The following GPR174 variants were observed in gnomAD, a reference collection of about 807,000 sequenced individuals.
The protein encoded by GPR174 is G protein-coupled receptor 174, also known as probable G protein-coupled receptor 174.
A neutral mutation model predicts 16.5 loss-of-function variants in GPR174; 8 were observed. The ratio of observed to expected loss-of-function variants is 0.48; its 90% CI spans 0.28 to 0.87. The LOEUF (loss-of-function observed/expected upper bound fraction) is 0.87. Ranked by LOEUF, GPR174 falls within the 40% of genes least tolerant of loss-of-function variation. The pLI is 0.09. For missense variants in GPR174, 214 were observed against 247.5 expected, an observed-to-expected ratio of 0.86 and a Z score of 0.91; for synonymous variants, 111 against 94.8, an observed-to-expected ratio of 1.17 and a Z score of -0.99.
At chrX:79,163,804 T>C (rs770606278) in intron 2 of GPR174, among the ~76,000 whole-genome samples, 106 of 111,764 alleles carry the variant, frequency 9.5e-4, no homozygotes, top group Non-Finnish European at 1.7e-3. Context: ...CTCTAGGGCC[T>C]CACATGATCT....
chrX:79,166,425 CTTTTTTCT>C (rs1569281347), intron 2 of GPR174, among the ~76,000 whole-genome samples: 3 of 42,533 alleles, frequency 7.1e-5, no homozygotes, highest in African/African-American at 1.6e-4. Context: ...TTTTTCTTTT[CTTTTTTCT>C]TTTTTTTTTT....
intron 2 of GPR174, among the ~76,000 whole-genome samples, chrX:79,158,287 C>T (rs778419546): frequency 2.3e-4 from 25 of 106,810 alleles, no homozygotes; most frequent in African/African-American, 2.7e-4. Flanking sequence ...TTTCCCCTGA[C>T]GTAATCAGGA....
chrX:79,163,844 C>G (rs1921292086), intron 2 of GPR174, among the ~76,000 whole-genome samples: 1 of 111,553 alleles, frequency 9.0e-6, no homozygotes, highest in African/African-American at 3.3e-5. Context: ...ACTCCGCTGT[C>G]CTTTAGGGCA....
intron 2 of GPR174, among the ~76,000 whole-genome samples, chrX:79,165,177 C>G (rs1045405831): frequency 9.1e-6 from 1 of 110,083 alleles, no homozygotes; most frequent in Non-Finnish European, 1.9e-5. Flanking sequence ...TAGAGGCTTC[C>G]GTATTTTTGT....
chrX:79,168,638 C>T (rs1339891491), intron 2 of GPR174, among the ~76,000 whole-genome samples: 1 of 109,990 alleles, frequency 9.1e-6, no homozygotes, highest in East Asian at 2.9e-4. Context: ...GAGTTCCAGG[C>T]TGCAGTGAGT....
In GPR174 at chrX:79,171,574, C is replaced by T. The variant is rs141253543; in HGVS notation, c.567C>T (p.Gly189=). 1.8e-5 allele frequency: 22 copies of T among 1,208,731 alleles called. No individual in the cohort carries two copies. The highest frequency in any genetic ancestry group is 8.8e-5 in the African/African-American group (5 of 56,825). The change falls in exon 3 of 3, where the codon GGC becomes GGT. Residue 189 remains glycine, a synonymous_variant. Transcript: ENST00000645147. ...AGTCCGTTGTTATGATGACCATTGG[C>T]GAGTTGATTGGGTTTGTAACTCCGC... ...LAQSVVMMTI[G]ELIGFVTPLL... is the part of the protein sequence containing the mutation.
At chrX:79,165,867 A>T (rs1921348323) in intron 2 of GPR174, among the ~76,000 whole-genome samples, 1 of 111,284 alleles carries the variant, frequency 9.0e-6, no homozygotes, top group African/African-American at 3.3e-5. Flanking sequence ...ATTATCTTGG[A>T]CCTTAGTTTA....
intron 1 of GPR174, among the ~76,000 whole-genome samples, chrX:79,148,070 G>T (rs1489675018): frequency 1.8e-5 from 2 of 111,609 alleles, no homozygotes; most frequent in African/African-American, 6.5e-5. Context: ...TCTGCAACTT[G>T]GTTATGGGTC....
rs73231593 is a variant in GPR174 at position 79,163,553 on chromosome X, A to G, written c.-557+6635A>G. Reference sequence around the variant, plus strand: ...TCAAACTGTAGACTACAAGAAAAGAAGGGATAATATATTTCTGTTTTTAAG... The same window carrying G: ...TCAAACTGTAGACTACAAGAAAAGAGGGGATAATATATTTCTGTTTTTAAG... On this transcript the variant is annotated intron_variant, in intron 2 of 2. Coordinates refer to ENST00000645147, the MANE Select transcript of GPR174 (RefSeq NM_032553.3). Among the ~76,000 whole-genome samples, 937 of 111,958 alleles carry G rather than the reference A, an allele frequency of 8.4e-3. 5 individuals are homozygous for G. Among genetic ancestry groups the G allele is most frequent in the South Asian group, 0.016 (42 of 2,689 alleles).
rs774581766 is a variant in GPR174, at chrX:79,151,858, C to A, written c.-653-4964C>A. 2.1e-4 allele frequency among the ~76,000 whole-genome samples: 23 copies of A among 111,989 alleles called. No homozygotes were observed. The South Asian group carries it at 8.1e-3, about 40-fold the overall frequency. On this transcript the variant is annotated intron_variant, in intron 1 of 2. Coordinates refer to ENST00000645147, the MANE Select transcript of GPR174 (RefSeq NM_032553.3). ...GAGGATAAGCTAGCGCATATTAATT[C>A]TGATTATACAAAAGAGATTTAGGAA... is the stretch of plus-strand genomic sequence containing the variant.
chrX:79,149,412 C>T (rs1926560464), intron 1 of GPR174, among the ~76,000 whole-genome samples: 1 of 111,631 alleles, frequency 9.0e-6, no homozygotes, highest in South Asian at 3.7e-4. Context: ...TGTAATACTT[C>T]ATAAAACTAA....
chrX:79,160,866 G>A (rs1471645150), intron 2 of GPR174, among the ~76,000 whole-genome samples: 1 of 111,586 alleles, frequency 9.0e-6, no homozygotes, highest in Non-Finnish European at 1.9e-5. Context: ...TGGTATCAGT[G>A]ATGTTCCTAA....
intron 1 of GPR174, among the ~76,000 whole-genome samples, chrX:79,151,001 C>A (rs1338879445): frequency 9.0e-6 from 1 of 110,922 alleles, no homozygotes; most frequent in Non-Finnish European, 1.9e-5. Context: ...TCAGACCATC[C>A]TTGATATGGA....
chrX:79,159,300 C>A (rs774454045), intron 2 of GPR174, among the ~76,000 whole-genome samples: 10 of 111,010 alleles, frequency 9.0e-5, no homozygotes, highest in Admixed American at 1.9e-4. Context: ...AAACAAAAAA[C>A]AAAACAAACC....
chrX:79,167,546 C>G (rs768602348), intron 2 of GPR174, among the ~76,000 whole-genome samples: 5 of 110,043 alleles, frequency 4.5e-5, no homozygotes, highest in Non-Finnish European at 9.5e-5. Context: ...TTGAATAGCC[C>G]GTGAGGTCCT....
intron 1 of GPR174, among the ~76,000 whole-genome samples, chrX:79,148,247 A>G (rs1926539317): frequency 9.0e-6 from 1 of 111,484 alleles, no homozygotes; most frequent in African/African-American, 3.3e-5. Context: ...ATCTCACTGG[A>G]AACCTAAAAT....
rs1412011933 is a variant in GPR174, at chrX:79,173,726, CTT to C, written c.*1719_*1720del. On this transcript the variant is annotated 3_prime_UTR_variant, in exon 3 of 3. Coordinates refer to ENST00000645147, the MANE Select transcript of GPR174 (RefSeq NM_032553.3). ...AGATAATACCCTATTAGAAAACTGA[CTT>C]TGTGCTGCTAGCAAGTGTATCTATG... 8.9e-6 allele frequency: 1 copy of C among 112,277 alleles called. No homozygotes were observed. Among genetic ancestry groups the C allele is most frequent in the African/African-American group, 3.2e-5 (1 of 30,890 alleles). The allele number at this position is 112,277 out of a possible 1,213,427, so 9.3% of individuals were successfully genotyped here.
Position 79,171,546 on chromosome X carries a change from C to T in GPR174, c.539C>T (p.Ala180Val), listed in dbSNP as rs757599745. 8.3e-7 allele frequency: 1 copy of T among 1,208,934 alleles called. No homozygotes were observed. Among genetic ancestry groups the T allele is most frequent in the East Asian group, 3.0e-5 (1 of 33,718 alleles). Residue 180 changes from alanine to valine, a missense_variant, in exon 3 of 3, where the codon GCC becomes GTC. Physicochemically the swap from Ala to Val is moderately conservative, Grantham distance 64. Transcript: ENST00000645147. ...VDLPTRNVNL[A>V]QSVVMMTIGE... ...CTTCCTACCAGGAATGTCAACCTGG[C>T]CCAGTCCGTTGTTATGATGACCATT...
chrX:79,145,385 A>G (rs1325321078), intron 1 of GPR174, among the ~76,000 whole-genome samples, 168 bp downstream of exon 1: 1 of 111,558 alleles, frequency 9.0e-6, no homozygotes. Context: ...TGGTATTTGA[A>G]CAAACAAAAA....
Sources: gnomAD v4.1 joint callset for allele counts (sites outside exome capture counted in the v4.1 genomes callset) on GRCh38, gnomAD v4.1.1 for gene constraint, MANE v1.5 for transcripts, NCBI Gene and HGNC (gene_info 2026-07-23, HGNC 2026-07-21) for gene names.